The following SDK1 variants were observed in gnomAD, a reference collection of about 807,000 sequenced individuals.
SDK1 encodes protein sidekick-1.
In SDK1, 157 loss-of-function variants were observed where a neutral mutation model predicts 245.5. That is an observed-to-expected ratio of 0.64 (90% CI 0.56 to 0.73). SDK1 has a LOEUF of 0.73. Ranked by LOEUF, SDK1 falls within the 30% of genes least tolerant of loss-of-function variation. The pLI, the probability that SDK1 is intolerant of heterozygous loss-of-function variation, is 0.00. For synonymous variants in SDK1, 1,647 were observed against 1,278.5 expected, an observed-to-expected ratio of 1.29 and a Z score of -6.15; for missense variants, 3,583 against 3,002.3, an observed-to-expected ratio of 1.19 and a Z score of -4.52.
intron 22 of SDK1, among the ~76,000 whole-genome samples, chr7:4,091,280 C>T (rs1781772052): frequency 6.6e-6 from 1 of 151,088 alleles, no homozygotes; most frequent in South Asian, 2.1e-4. Flanking sequence ...GGCATTCTGT[C>T]TCACAGTGAG....
At chr7:4,165,228 G>T (rs542949657) in intron 32 of SDK1, among the ~76,000 whole-genome samples, 2 of 152,044 alleles carry the variant, frequency 1.3e-5, no homozygotes, top group Non-Finnish European at 2.9e-5. Context: ...GCGTGGTGAT[G>T]GGCGCCTGTA....
chr7:3,484,406 G>A (rs1583929229), intron 1 of SDK1, among the ~76,000 whole-genome samples: 1 of 152,194 alleles, frequency 6.6e-6, no homozygotes, highest in African/African-American at 2.4e-5. Flanking sequence ...CGGGACATGA[G>A]TGTGTGAGGA....
At chr7:3,570,296 T>G (rs149966812) in intron 1 of SDK1, among the ~76,000 whole-genome samples, 2 of 152,286 alleles carry the variant, frequency 1.3e-5, no homozygotes, top group Admixed American at 6.5e-5. Flanking sequence ...ATAAGGAGTG[T>G]GCACCCTAGA....
chr7:3,433,878 AC>A (rs1779939750), intron 1 of SDK1, among the ~76,000 whole-genome samples: 1 of 152,242 alleles, frequency 6.6e-6, no homozygotes, highest in Non-Finnish European at 1.5e-5. Flanking sequence ...TGTGTTTTAG[AC>A]ACAGTTTTAC....
rs746053796 is a variant in SDK1, at chr7:4,129,928, C to A, written c.3960C>A (p.Asp1320Glu). The A allele has an allele frequency of 6.2e-7, 1 of 1,613,764 alleles. No homozygotes were observed. Among genetic ancestry groups the A allele is most frequent in the African/African-American group, 1.3e-5 (1 of 75,060 alleles). ...CACAGATCCTGTTCCGGGCCAAAGA[C>A]CTGGATCCCGAGCCCAGGAGCCACA... ...LGYKILFRAK[D>E]LDPEPRSHIV... Residue 1320 changes from aspartate to glutamate, a missense_variant, in exon 27 of 45, where the codon GAC becomes GAA. Asp to Glu is a conservative substitution (Grantham distance 45). Coordinates refer to ENST00000404826, the MANE Select transcript of SDK1 (RefSeq NM_152744.4).
chr7:3,665,122 A>T (rs1434249154), intron 4 of SDK1, among the ~76,000 whole-genome samples: 1 of 152,160 alleles, frequency 6.6e-6, no homozygotes. Context: ...GAAGCCTATG[A>T]AACCTCGTAG....
intron 17 of SDK1, among the ~76,000 whole-genome samples, chr7:4,032,617 T>C (rs1787904379): frequency 7.2e-6 from 1 of 138,826 alleles, no homozygotes; most frequent in East Asian, 1.9e-4. Flanking sequence ...ATAAAGAATT[T>C]AGCAAACTAG....
chr7:3,792,070 G>A (rs983685497), intron 4 of SDK1, among the ~76,000 whole-genome samples: 17 of 152,258 alleles, frequency 1.1e-4, no homozygotes, highest in Admixed American at 1.0e-3. Context: ...CAAGGCTGCA[G>A]TGAGTTATGA....
intron 1 of SDK1, among the ~76,000 whole-genome samples, chr7:3,592,815 T>A (rs1246546786): frequency 6.6e-6 from 1 of 152,178 alleles, no homozygotes; most frequent in Non-Finnish European, 1.5e-5. Context: ...GATCTGATTA[T>A]TAGGAAGTAT....
intron 1 of SDK1, among the ~76,000 whole-genome samples, chr7:3,552,477 A>G (rs1297381397): frequency 6.6e-6 from 1 of 152,068 alleles, no homozygotes. Flanking sequence ...TCTCCCTCTC[A>G]TCTAGGCTGA....
intron 20 of SDK1, among the ~76,000 whole-genome samples, chr7:4,074,898 ATATATATATATATATATATTTT>A (rs1292343129): frequency 7.0e-5 from 4 of 56,780 alleles, no homozygotes; most frequent in African/African-American, 1.6e-4. Flanking sequence ...ATATATATAT[ATATATATATATATATATATTTT>A]TTTTTTTTTT....
chr7:4,056,794 A>G (rs1204883308), intron 19 of SDK1, among the ~76,000 whole-genome samples: 1 of 152,050 alleles, frequency 6.6e-6, no homozygotes, highest in African/African-American at 2.4e-5. Context: ...GCCCCACCAG[A>G]ACATTCCGCC....
Position 4,073,760 on chromosome 7 carries a change from C to T in SDK1, c.3011-3238C>T, listed in dbSNP as rs554939257. On this transcript the variant is annotated intron_variant, in intron 20 of 44. Transcript: ENST00000404826. ...AGGAGGCGCTTTGAGAGCAGGGTCT[C>T]GTGCACCATGAGAAACAAACTCACC... Among the ~76,000 whole-genome samples, 13 of 152,268 alleles carry T rather than the reference C, an allele frequency of 8.5e-5. No individual in the cohort carries two copies. In the South Asian group the frequency reaches 2.1e-3, roughly 24 times the overall value.
intron 1 of SDK1, among the ~76,000 whole-genome samples, chr7:3,557,737 A>G (rs1300183888): frequency 4.6e-5 from 7 of 152,098 alleles, no homozygotes; most frequent in Admixed American, 4.6e-4. Context: ...CTTGCATGTG[A>G]ATCTGTTATT....
intron 5 of SDK1, among the ~76,000 whole-genome samples, chr7:3,925,163 CTAGTTTAGGACTGA>C (rs1779724995): frequency 6.6e-6 from 1 of 152,134 alleles, no homozygotes; most frequent in Admixed American, 6.6e-5. Flanking sequence ...GTCCCACAGC[CTAGTTTAGGACTGA>C]AGCCCCAGAT....
At chr7:3,754,257 T>C (rs986124737) in intron 4 of SDK1, among the ~76,000 whole-genome samples, 2 of 152,210 alleles carry the variant, frequency 1.3e-5, no homozygotes, top group South Asian at 2.1e-4. Context: ...GAATATTGTG[T>C]TTTTAAGAAA....
chr7:3,658,053 G>A (rs964681069), intron 4 of SDK1, among the ~76,000 whole-genome samples: 7 of 152,152 alleles, frequency 4.6e-5, no homozygotes, highest in African/African-American at 1.4e-4. Flanking sequence ...GTGTCTAAAG[G>A]CAAGTGCCCG....
Position 3,979,214 on chromosome 7 carries a change from C to T in SDK1, c.1994+4669C>T, listed in dbSNP as rs1011654662. Among the ~76,000 whole-genome samples the T allele has an allele frequency of 2.6e-4, 39 of 152,160 alleles. 1 individual carries two copies. Among genetic ancestry groups the T allele is most frequent in the African/African-American group, 1.4e-4 (6 of 41,424 alleles). On this transcript the variant is annotated intron_variant, in intron 13 of 44. Coordinates refer to ENST00000404826, the MANE Select transcript of SDK1 (RefSeq NM_152744.4). ...GCATGGTATCATTCATCTCAAAGGACGGCTGTGAGGGCGGCACCCACCCGG... is the reference window on the plus strand; with the variant it reads ...GCATGGTATCATTCATCTCAAAGGATGGCTGTGAGGGCGGCACCCACCCGG...
At chr7:3,525,166 G>C (rs1040643277) in intron 1 of SDK1, among the ~76,000 whole-genome samples, 1 of 151,986 alleles carries the variant, frequency 6.6e-6, no homozygotes, top group Non-Finnish European at 1.5e-5. Context: ...TCCTATCTGG[G>C]ACTTGAGCAT....
Sources: allele counts gnomAD v4.1 joint callset (sites outside exome capture counted in the v4.1 genomes callset), GRCh38; gene constraint gnomAD v4.1.1; transcripts MANE v1.5; gene names NCBI Gene and HGNC (gene_info 2026-07-23, HGNC 2026-07-21).